The following CACNA1S variants were observed in gnomAD, a reference collection of about 807,000 sequenced individuals.
The protein encoded by CACNA1S is voltage-dependent L-type calcium channel subunit alpha-1S.
A neutral mutation model predicts 207.4 loss-of-function variants in CACNA1S; 126 were observed. The ratio of observed to expected loss-of-function variants is 0.61; its 90% confidence interval spans 0.53 to 0.70. The LOEUF (loss-of-function observed/expected upper bound fraction) is 0.70, where lower values mean the gene tolerates loss of function less well. Ranked by LOEUF, CACNA1S falls within the 30% of genes least tolerant of loss-of-function variation. The pLI is 0.00. For missense variants in CACNA1S, 2,349 were observed against 2,422.8 expected (o/e 0.97, Z 0.64); for synonymous variants, 960 against 932.7 (o/e 1.03, Z -0.53).
chr1:201,043,549 A>G lies in CACNA1S; in HGVS notation c.4798-18T>C. ...CCAGTCCTCTAGGGGCAAGGAGAAG[A>G]GCAGTGACTGGGGGTGAGGGCAGGG... On this transcript the variant is annotated intron_variant, in intron 39 of 43. Coordinates refer to ENST00000362061, the MANE Select transcript of CACNA1S (RefSeq NM_000069.3). The G allele has an allele frequency of 6.2e-7, 1 of 1,613,480 alleles. No individual in the cohort carries two copies. Among genetic ancestry groups the G allele is most frequent in the Non-Finnish European group, 8.5e-7 (1 of 1,179,782 alleles).
intron 39 of CACNA1S, 121 bp downstream of exon 39, chr1:201,044,206 AG>A (rs1660392984): frequency 4.1e-6 from 5 of 1,208,090 alleles, no homozygotes; most frequent in Non-Finnish European, 6.0e-6. Flanking sequence ...GGAGAGACGG[AG>A]TGGGGTATCT....
chr1:201,066,341 G>C lies in CACNA1S; in HGVS notation c.2658-25C>G. 3 of 1,593,114 alleles carry C rather than the reference G, an allele frequency of 1.9e-6. No homozygotes were observed. The highest frequency in any genetic ancestry group is 2.6e-6 in the Non-Finnish European group (3 of 1,169,028). ...CCTGGGGGGCGGCAATGGTGAGGGGGCTGAGGGCAGCCTGCTCCAGCCAGC... is the reference window on the plus strand; with the variant it reads ...CCTGGGGGGCGGCAATGGTGAGGGGCCTGAGGGCAGCCTGCTCCAGCCAGC... On this transcript the variant is annotated intron_variant, in intron 20 of 43. Coordinates refer to ENST00000362061, the MANE Select transcript of CACNA1S (RefSeq NM_000069.3). The surrounding 1 kb of genome is among the most constrained non-coding windows in gnomAD (Gnocchi z 4.3).
Position 201,062,532 on chromosome 1 carries a change from GA to G in CACNA1S, c.2854-19del. 1 of 1,502,374 alleles carries G rather than the reference GA, an allele frequency of 6.7e-7. No individual in the cohort carries two copies. The highest frequency in any genetic ancestry group is 9.2e-7 in the Non-Finnish European group (1 of 1,082,748). The allele number at this position is 1,502,374 out of a possible 1,614,324, so 93.1% of individuals were successfully genotyped here. On this transcript the variant is annotated intron_variant, in intron 22 of 43. Transcript: ENST00000362061. ...AACTTCCCCTGCAGCCAGGAAGAGGGAGGGAGGGAGGGAGGCATGTTGTCAT... is the reference window on the plus strand; with the variant it reads ...AACTTCCCCTGCAGCCAGGAAGAGGGGGGAGGGAGGGAGGCATGTTGTCAT...
chr1:201,061,555 G>C, intron 24 of CACNA1S, 87 bp from the exon 25 acceptor site: 1 of 1,271,536 alleles, frequency 7.9e-7, no homozygotes, highest in Non-Finnish European at 1.1e-6. Context: ...TATCCCACTG[G>C]CTGTGGAGAG....
chr1:201,069,456 G>A lies in CACNA1S; in HGVS notation c.2490+16C>T, dbSNP rs1661371561. Reference sequence around the variant, plus strand: ...GGGCAGGGGTGCTGAGTGGCAGAGAGGGTGAAGCCCGTCACCTGATTTCTC... The same window carrying A: ...GGGCAGGGGTGCTGAGTGGCAGAGAAGGTGAAGCCCGTCACCTGATTTCTC... On this transcript the variant is annotated intron_variant, in intron 18 of 43. Transcript: ENST00000362061. 2.5e-6 allele frequency: 4 copies of A among 1,606,234 alleles called. No homozygotes were observed. The highest frequency in any genetic ancestry group is 4.5e-5 in the East Asian group (2 of 44,574).
chr1:201,044,499 G>A (rs775583597), intron 38 of CACNA1S, 43 bp from the exon 39 acceptor site: 2 of 1,604,192 alleles, frequency 1.2e-6, no homozygotes, highest in South Asian at 1.1e-5. Context: ...CAGCCCAGGA[G>A]AGGAGACCAG....
chr1:201,049,551 A>T (rs546766605), intron 34 of CACNA1S, among the ~76,000 whole-genome samples: 2 of 152,346 alleles, frequency 1.3e-5, no homozygotes, highest in South Asian at 2.1e-4. Context: ...GACATAAAAC[A>T]GAACAACCAG....
At chr1:201,074,154 C>T (rs561978919) in intron 14 of CACNA1S, among the ~76,000 whole-genome samples, 2 of 146,782 alleles carry the variant, frequency 1.4e-5, no homozygotes, top group East Asian at 3.9e-4. Flanking sequence ...GGAGCCTGTT[C>T]GATGTAGAAC....
rs901431685 is a variant in CACNA1S at position 201,066,546 on chromosome 1, C to T, written c.2658-230G>A. ...CATGGGTGTGTCATGAAGCAGAAGA[C>T]AGCCTTCCCCTGTGGGTGGCTAGAA... is the stretch of plus-strand genomic sequence containing the variant. On this transcript the variant is annotated intron_variant, in intron 20 of 43. Transcript: ENST00000362061. This position sits in a 1 kb window ranked among gnomAD's most constrained non-coding sequence, Gnocchi z 4.3. Among the ~76,000 whole-genome samples the T allele has an allele frequency of 2.0e-5, 3 of 152,204 alleles. No homozygotes were observed. The highest frequency in any genetic ancestry group is 4.4e-5 in the Non-Finnish European group (3 of 68,018).
At chr1:201,096,998 T>A (rs1205543768) in intron 2 of CACNA1S, among the ~76,000 whole-genome samples, 1 of 152,162 alleles carries the variant, frequency 6.6e-6, no homozygotes, top group African/African-American at 2.4e-5. Context: ...CTCTTTTTCA[T>A]GTGTCGCTGT....
intron 10 of CACNA1S, among the ~76,000 whole-genome samples, chr1:201,082,473 A>C (rs1447614597): frequency 6.6e-6 from 1 of 152,172 alleles, no homozygotes; most frequent in African/African-American, 2.4e-5. Context: ...ATATCTTTGC[A>C]CACACTGTTC....
Position 201,087,726 on chromosome 1 carries a change from C to A in CACNA1S, c.1004+100G>T. 5 of 804,040 alleles carry A rather than the reference C, an allele frequency of 6.2e-6. 1 individual carries two copies. The highest frequency in any genetic ancestry group is 1.1e-5 in the Non-Finnish European group (5 of 471,390). 49.8% of individuals were successfully genotyped at this position (804,040 alleles called of 1,614,324 possible). On this transcript the variant is annotated intron_variant, in intron 7 of 43. Transcript: ENST00000362061. ...CTCCTCCTCCTCTCCACTCGCCCCC[C>A]ACCCCTCCTGTTTCTTTTCCCTCCG... is the stretch of plus-strand genomic sequence containing the variant.
chr1:201,051,273 G>T (rs1012127495), intron 32 of CACNA1S, 130 bp from the exon 33 acceptor site: 1 of 824,118 alleles, frequency 1.2e-6, no homozygotes, highest in Non-Finnish European at 2.0e-6. Context: ...AAGGAGGTCA[G>T]ATCTTCATGT....
chr1:201,073,727 A>C (rs1050946473), intron 14 of CACNA1S, 85 bp from the exon 15 acceptor site: 2 of 1,058,700 alleles, frequency 1.9e-6, no homozygotes, highest in Non-Finnish European at 3.0e-6. Flanking sequence ...GGAGGATCCC[A>C]CACCAAGGGC....
intron 19 of CACNA1S, among the ~76,000 whole-genome samples, chr1:201,068,154 C>T (rs1314372288): frequency 2.0e-5 from 3 of 148,226 alleles, no homozygotes; most frequent in African/African-American, 7.5e-5. Flanking sequence ...TCTGGGGACT[C>T]TTGGAGGAAA....
rs1169111642 is a variant in CACNA1S at position 201,043,442 on chromosome 1, C to T, written c.4887G>A (p.Gln1629=). The change falls in exon 40 of 44, where the codon CAG becomes CAA. Residue 1629 remains glutamine (Q), a synonymous_variant. Coordinates refer to ENST00000362061, the MANE Select transcript of CACNA1S (RefSeq NM_000069.3). ...PPVMANQRPL[Q]FAEIEMEEME... is the part of the protein sequence containing the mutation. ...TCTCTTCCATCTCTATCTCAGCAAA[C>T]TGGAGGGGTCTCTGATTGGCCATGA... 12 of 1,614,152 alleles carry T rather than the reference C, an allele frequency of 7.4e-6. No individual in the cohort carries two copies. Among genetic ancestry groups the T allele is most frequent in the Non-Finnish European group, 1.0e-5 (12 of 1,180,030 alleles).
chr1:201,041,813 G>C, intron 40 of CACNA1S: 1 of 615,248 alleles, frequency 1.6e-6, no homozygotes, highest in Admixed American at 2.5e-5. Flanking sequence ...CCTTTGCTCA[G>C]TTGCTCCCTC....
intron 3 of CACNA1S, 75 bp from the exon 4 acceptor site, chr1:201,092,189 T>G: frequency 6.4e-7 from 1 of 1,567,044 alleles, no homozygotes; most frequent in Non-Finnish European, 8.8e-7. Context: ...AGGCCCTGTG[T>G]CCTGTCCATG....
At chr1:201,044,751 C>T (rs1176691088) in intron 38 of CACNA1S, among the ~76,000 whole-genome samples, 4 of 152,164 alleles carry the variant, frequency 2.6e-5, no homozygotes, top group Non-Finnish European at 5.9e-5. Flanking sequence ...CCTTGTGATC[C>T]ACCCACTTGG....
Sources: allele counts gnomAD v4.1 joint callset (sites outside exome capture counted in the v4.1 genomes callset), GRCh38; gene constraint gnomAD v4.1.1; non-coding constraint Gnocchi (gnomAD v3.1); transcripts MANE v1.5; gene names NCBI Gene and HGNC (gene_info 2026-07-23, HGNC 2026-07-21).